The following TNR variants were observed in gnomAD, a reference collection of about 807,000 sequenced individuals.
TNR encodes the protein tenascin R.
In TNR, 45 loss-of-function variants were observed where a neutral mutation model predicts 150.4. The observed-to-expected ratio is 0.30, with a 90% CI of 0.24 to 0.38. TNR has a LOEUF of 0.38. TNR is among the 10% of genes least tolerant of loss of function. TNR has a pLI of 1.00. For missense variants in TNR, 1,544 were observed against 1,759.1 expected (o/e 0.88, Z 2.19); for synonymous variants, 687 against 678.4 (o/e 1.01, Z -0.20).
rs540652422 is a variant in TNR at position 175,559,726 on chromosome 1, T to C, written c.-164-31357A>G. On this transcript the variant is annotated intron_variant, in intron 1 of 22. Transcript: ENST00000367674. Reference sequence around the variant, plus strand: ...CACATTTTCTTTATCCATTCTCCTGTTGATGGACCTTCAGGTTATTTCTGT... The same window carrying C: ...CACATTTTCTTTATCCATTCTCCTGCTGATGGACCTTCAGGTTATTTCTGT... Among the ~76,000 whole-genome samples, 8 of 152,374 alleles carry C rather than the reference T, an allele frequency of 5.3e-5. No homozygotes were observed. In the East Asian group the frequency reaches 1.3e-3, roughly 26 times the overall value.
Position 175,713,359 on chromosome 1 carries a change from C to A in TNR, c.-165+29867G>T, listed in dbSNP as rs192795673. Among the ~76,000 whole-genome samples the A allele has an allele frequency of 2.6e-5, 4 of 152,210 alleles. No individual in the cohort carries two copies. The East Asian group carries it at 7.7e-4, about 29-fold the overall frequency. Reference sequence around the variant, plus strand: ...CACTCTTGCCCCTATCCTTTTTTTCCCCATTTATCGGGCATACTTGCAGAA... The same window carrying A: ...CACTCTTGCCCCTATCCTTTTTTTCACCATTTATCGGGCATACTTGCAGAA... On this transcript the variant is annotated intron_variant, in intron 1 of 22. Transcript: ENST00000367674.
intron 2 of TNR, among the ~76,000 whole-genome samples, chr1:175,511,237 A>T (rs1021735640): frequency 6.6e-6 from 1 of 152,238 alleles, no homozygotes; most frequent in Non-Finnish European, 1.5e-5. Context: ...CAGAGCATGC[A>T]TAGCAAATTA....
chr1:175,416,935 G>A (rs561506379), intron 2 of TNR, among the ~76,000 whole-genome samples: 2 of 152,142 alleles, frequency 1.3e-5, no homozygotes, highest in East Asian at 1.9e-4. Context: ...GTGAACCCGG[G>A]AGGCGGAGCT....
chr1:175,381,140 C>T (rs1652659075), intron 8 of TNR, among the ~76,000 whole-genome samples: 1 of 152,150 alleles, frequency 6.6e-6, no homozygotes, highest in Admixed American at 6.5e-5. Flanking sequence ...GTTATTTCTC[C>T]AGCAGTTGGA....
intron 1 of TNR, among the ~76,000 whole-genome samples, chr1:175,632,208 T>C (rs148138956): frequency 1.1e-4 from 17 of 152,364 alleles, no homozygotes; most frequent in African/African-American, 4.1e-4. Flanking sequence ...GTAGAAATTT[T>C]GCAAACAAAA....
chr1:175,459,369 C>T (rs556848061), intron 2 of TNR, among the ~76,000 whole-genome samples: 1 of 152,318 alleles, frequency 6.6e-6, no homozygotes, highest in South Asian at 2.1e-4. Flanking sequence ...CCAGGCAAAA[C>T]TCCTAACCTC....
intron 2 of TNR, among the ~76,000 whole-genome samples, chr1:175,501,631 A>G (rs1364852958): frequency 6.6e-6 from 1 of 152,252 alleles, no homozygotes; most frequent in Non-Finnish European, 1.5e-5. Context: ...GCAGTAGAAG[A>G]CAAATACGGC....
chr1:175,714,295 G>C (rs1243464449), intron 1 of TNR, among the ~76,000 whole-genome samples: 1 of 152,050 alleles, frequency 6.6e-6, no homozygotes, highest in African/African-American at 2.4e-5. Context: ...CAAATTTCTA[G>C]TGACGGAAAG....
In TNR at chr1:175,650,718, C is replaced by CACCTCAT. The variant is rs1558054559; in HGVS notation, c.-165+92507_-165+92508insATGAGGT. 4.9e-5 allele frequency among the ~76,000 whole-genome samples: 5 copies of CACCTCAT among 101,512 alleles called. No individual in the cohort carries two copies. The East Asian group carries it at 1.1e-3, about 23-fold the overall frequency. 66.6% of individuals were successfully genotyped at this position (101,512 alleles called of 152,430 possible). A position where few individuals can be genotyped will look rare whatever the true frequency, so the allele number is the denominator to read the frequency against. Reference sequence around the variant, plus strand: ...CCCTACCCCATTACTACCCCTCCCCCTACCCCTCCCCGCCTCATTACTACC... The same window carrying CACCTCAT: ...CCCTACCCCATTACTACCCCTCCCCCACCTCATTACCCCTCCCCGCCTCATTACTACC... On this transcript the variant is annotated intron_variant, in intron 1 of 22. Coordinates refer to ENST00000367674, the MANE Select transcript of TNR (RefSeq NM_003285.3).
At chr1:175,596,943 G>C (rs1663033284) in intron 1 of TNR, among the ~76,000 whole-genome samples, 1 of 152,104 alleles carries the variant, frequency 6.6e-6, no homozygotes, top group African/African-American at 2.4e-5. Flanking sequence ...TTATAAAGGT[G>C]GAGAGTTTCA....
chr1:175,342,381 TGTGCAAAA>T (rs1650564467), intron 18 of TNR, among the ~76,000 whole-genome samples: 1 of 152,178 alleles, frequency 6.6e-6, no homozygotes, highest in South Asian at 2.1e-4. Flanking sequence ...GTTCCAGACC[TGTGCAAAA>T]GTACGGCCCC....
chr1:175,587,617 G>A (rs967422667), intron 1 of TNR, among the ~76,000 whole-genome samples: 9 of 152,156 alleles, frequency 5.9e-5, no homozygotes. Context: ...AGGACCTGGT[G>A]TCAGAAGCAT....
chr1:175,444,028 A>G lies in TNR; in HGVS notation c.-63-37251T>C, dbSNP rs1239020041. ...GGAGAGCTTTAGGCTTCATCTGGCCATGGACTTGGGGGGTGGTCTGTGTCC... is the reference window on the plus strand; with the variant it reads ...GGAGAGCTTTAGGCTTCATCTGGCCGTGGACTTGGGGGGTGGTCTGTGTCC... On this transcript the variant is annotated intron_variant, in intron 2 of 22. Coordinates refer to ENST00000367674, the MANE Select transcript of TNR (RefSeq NM_003285.3). Among the ~76,000 whole-genome samples the G allele has an allele frequency of 3.2e-4, 48 of 152,184 alleles. 2 individuals carry two copies. The highest frequency in any genetic ancestry group is 3.1e-3 in the Admixed American group (48 of 15,276).
At chr1:175,491,917 G>A (rs1658277575) in intron 2 of TNR, among the ~76,000 whole-genome samples, 1 of 151,442 alleles carries the variant, frequency 6.6e-6, no homozygotes. Flanking sequence ...CCAAAGTGCT[G>A]GGATTACAGC....
At chr1:175,511,186 T>C (rs964566702) in intron 2 of TNR, among the ~76,000 whole-genome samples, 1 of 152,160 alleles carries the variant, frequency 6.6e-6, no homozygotes, top group Non-Finnish European at 1.5e-5. Flanking sequence ...CCCAGTGCAG[T>C]AAACATATAA....
intron 2 of TNR, among the ~76,000 whole-genome samples, chr1:175,454,190 T>TA (rs1656453902): frequency 6.6e-6 from 1 of 152,212 alleles, no homozygotes; most frequent in Non-Finnish European, 1.5e-5. Flanking sequence ...CCCATGCTCC[T>TA]AAATGTCTTC....
Position 175,658,913 on chromosome 1 carries a change from A to G in TNR, c.-165+84313T>C, listed in dbSNP as rs1352936660. On this transcript the variant is annotated intron_variant, in intron 1 of 22. Coordinates refer to ENST00000367674, the MANE Select transcript of TNR (RefSeq NM_003285.3). ...TATGCACAAGCTGCTGTGCTTTCAC[A>G]TCGATGTTTTAGGCACTCCTGAGTT... 2.0e-5 allele frequency among the ~76,000 whole-genome samples: 3 copies of G among 152,362 alleles called. No homozygotes were observed. The South Asian group carries it at 6.2e-4, about 32-fold the overall frequency.
intron 1 of TNR, among the ~76,000 whole-genome samples, chr1:175,659,823 G>A (rs187558536): frequency 5.9e-5 from 9 of 152,124 alleles, no homozygotes; most frequent in Admixed American, 2.6e-4. Flanking sequence ...ACTCCAGGAG[G>A]TGGCAGGTGT....
chr1:175,418,205 T>C (rs767194565), intron 2 of TNR, among the ~76,000 whole-genome samples: 5 of 151,886 alleles, frequency 3.3e-5, no homozygotes, highest in African/African-American at 4.8e-5. Flanking sequence ...GATAGAGAAG[T>C]CTCAGGCGAC....
Sources: gnomAD v4.1 joint callset for allele counts (sites outside exome capture counted in the v4.1 genomes callset) on GRCh38, gnomAD v4.1.1 for gene constraint, MANE v1.5 for transcripts, NCBI Gene and HGNC (gene_info 2026-07-23, HGNC 2026-07-21) for gene names.